The following EEIG1 variants were observed in gnomAD, a reference collection of about 807,000 sequenced individuals.
The protein encoded by EEIG1 is estrogen-induced osteoclastogenesis regulator 1.
the EEIG1 span, among the ~76,000 whole-genome samples, chr9:127,951,023 T>C: frequency 3.3e-5 from 5 of 151,968 alleles, no homozygotes; most frequent in Admixed American, 3.3e-4. Flanking sequence ...GGCGCCCTGG[T>C]AGAGGACAGA....
At chr9:127,979,778 C>T in the EEIG1 span, among the ~76,000 whole-genome samples, 1 of 152,238 alleles carries the variant, frequency 6.6e-6, no homozygotes, top group African/African-American at 2.4e-5. Context: ...CAAGAGAAGG[C>T]TGAAAGACTA....
At chr9:127,950,504 C>A in the EEIG1 span, 22 of 1,613,844 alleles carry the variant, frequency 1.4e-5, no homozygotes, top group South Asian at 2.4e-4. Flanking sequence ...AGCCCGAGCC[C>A]GCAAACTCGG....
At chr9:127,943,204 A>T in the EEIG1 span, 1 of 1,614,156 alleles carries the variant, frequency 6.2e-7, no homozygotes, top group Non-Finnish European at 8.5e-7. Flanking sequence ...AATGGCTTTC[A>T]ATCACAACTG....
At chr9:127,955,578 C>T in the EEIG1 span, among the ~76,000 whole-genome samples, 3 of 152,350 alleles carry the variant, frequency 2.0e-5, no homozygotes, top group Admixed American at 6.5e-5. Context: ...ACTGTATTTA[C>T]CCAGTGATGA....
the EEIG1 span, chr9:127,953,612 G>A: frequency 2.5e-6 from 4 of 1,613,878 alleles, no homozygotes; most frequent in Admixed American, 3.3e-5. Context: ...CTCCTGCACA[G>A]GGAGGGAGAC....
At chr9:127,972,716 G>C in the EEIG1 span, 1 of 152,304 alleles carries the variant, frequency 6.6e-6, no homozygotes, top group African/African-American at 2.4e-5. The surrounding 1 kb of genome is among the most constrained non-coding windows in gnomAD (Gnocchi z 4.3). Flanking sequence ...CTTCCTCCCA[G>C]CCACCCAAAT....
At chr9:127,951,245 G>A in the EEIG1 span, among the ~76,000 whole-genome samples, 3 of 152,156 alleles carry the variant, frequency 2.0e-5, no homozygotes, top group Admixed American at 6.5e-5. Context: ...AGACATCTCC[G>A]GTTCCCTCTG....
At chr9:127,945,497 T>C in the EEIG1 span, 1 of 1,569,252 alleles carries the variant, frequency 6.4e-7, no homozygotes, top group Non-Finnish European at 8.6e-7. The surrounding 1 kb of genome is among the most constrained non-coding windows in gnomAD (Gnocchi z 6.5). Context: ...CTGCTGCTGG[T>C]GGACGTGTTG....
the EEIG1 span, among the ~76,000 whole-genome samples, chr9:127,950,922 G>C: frequency 6.6e-6 from 1 of 152,238 alleles, no homozygotes; most frequent in Non-Finnish European, 1.5e-5. Context: ...GGGAAGGCCT[G>C]TGGGAAGTGG....
At chr9:127,951,372 A>C in the EEIG1 span, among the ~76,000 whole-genome samples, 1 of 152,204 alleles carries the variant, frequency 6.6e-6, no homozygotes, top group East Asian at 1.9e-4. Flanking sequence ...GTTTGAACCC[A>C]ACCGAACCAA....
chr9:127,941,801 C>T, the EEIG1 span: 4 of 152,322 alleles, frequency 2.6e-5, no homozygotes, highest in East Asian at 5.8e-4. Flanking sequence ...AGCAGCACCT[C>T]CCCTCACCAG....
the EEIG1 span, among the ~76,000 whole-genome samples, chr9:127,952,515 A>G: frequency 6.6e-6 from 1 of 152,160 alleles, no homozygotes. Context: ...AGCTCTTAAT[A>G]CTATGTAGGG....
chr9:127,963,167 G>A, the EEIG1 span, among the ~76,000 whole-genome samples: 3 of 152,232 alleles, frequency 2.0e-5, no homozygotes, highest in African/African-American at 7.2e-5. Context: ...TCCAAGAGTT[G>A]TTTCCATAAT....
At chr9:127,948,481 G>A in the EEIG1 span, 50 of 1,512,612 alleles carry the variant, frequency 3.3e-5, no homozygotes, top group Middle Eastern at 1.7e-4. Flanking sequence ...AGGGCCCCCT[G>A]CAGCCTTTCG....
At chr9:127,945,241 ATCG>A in the EEIG1 span, 1 of 810,368 alleles carries the variant, frequency 1.2e-6, no homozygotes, top group African/African-American at 1.7e-5. The surrounding 1 kb of genome is among the most constrained non-coding windows in gnomAD (Gnocchi z 6.5). Flanking sequence ...AGCTAGTGGA[ATCG>A]TCACCACCCA....
chr9:127,953,736 G>C, the EEIG1 span: 2 of 1,612,618 alleles, frequency 1.2e-6, no homozygotes, highest in Non-Finnish European at 1.7e-6. Context: ...TTTCAGCTGG[G>C]GGTGCGGACT....
At chr9:127,980,928 C>T in the EEIG1 span, among the ~76,000 whole-genome samples, 1 of 149,216 alleles carries the variant, frequency 6.7e-6, no homozygotes, top group Non-Finnish European at 1.5e-5. Flanking sequence ...GCAGCAGCGC[C>T]GCCCCCTGCG....
At chr9:127,945,281 C>T in the EEIG1 span, 1 of 1,130,038 alleles carries the variant, frequency 8.8e-7, no homozygotes, top group Non-Finnish European at 1.2e-6. The surrounding 1 kb of genome is among the most constrained non-coding windows in gnomAD (Gnocchi z 6.5). Flanking sequence ...ACCTTACGGT[C>T]CCTGTGTTAT....
chr9:127,953,825 A>AG, the EEIG1 span: 1 of 1,614,004 alleles, frequency 6.2e-7, no homozygotes, highest in Non-Finnish European at 8.5e-7. Flanking sequence ...GACACACGGA[A>AG]GACACAGGGG....
Sources: allele counts gnomAD v4.1 joint callset (sites outside exome capture counted in the v4.1 genomes callset), GRCh38; gene constraint gnomAD v4.1.1; non-coding constraint Gnocchi (gnomAD v3.1); transcripts MANE v1.5; gene names NCBI Gene and HGNC (gene_info 2026-07-23, HGNC 2026-07-21).